Variants in PDE9A observed in about 807,000 individuals in gnomAD.
PDE9A encodes the protein high affinity cGMP-specific 3',5'-cyclic phosphodiesterase 9A.
Under a neutral mutation model 87.4 loss-of-function variants are expected in PDE9A, and 60 were observed. That is an observed-to-expected ratio of 0.69 (90% CI 0.56 to 0.85). PDE9A has a LOEUF of 0.85. Among genes scored for constraint, PDE9A ranks in the 40% least tolerant of loss-of-function variants. The pLI, the probability that PDE9A is intolerant of heterozygous loss-of-function variation, is 0.00. For missense variants in PDE9A, 665 were observed against 779.0 expected, an observed-to-expected ratio of 0.85 and a Z score of 1.74; for synonymous variants, 272 against 279.4, an observed-to-expected ratio of 0.97 and a Z score of 0.27.
At chr21:42,745,198 G>C (rs558820284) in intron 8 of PDE9A, among the ~76,000 whole-genome samples, 1 of 152,308 alleles carries the variant, frequency 6.6e-6, no homozygotes, top group East Asian at 1.9e-4. Context: ...GGCCTCATCT[G>C]GTCCCCTCAA....
In PDE9A at chr21:42,721,197, A is replaced by C. The variant is rs2050489718; in HGVS notation, c.263-10573A>C. 2.0e-5 allele frequency among the ~76,000 whole-genome samples: 3 copies of C among 152,270 alleles called. No individual in the cohort carries two copies. The South Asian group carries it at 6.2e-4, about 32-fold the overall frequency. ...CCTGCAAACTAATCCTAAGGAAGAG[A>C]GGAGGGCAGGGGGAGAAATTGCACC... On this transcript the variant is annotated intron_variant, in intron 4 of 19. Transcript: ENST00000291539.
At position 42,689,527 on chromosome 21, in the gene PDE9A, A is replaced by G; in HGVS notation, c.218+1533A>G. 4 of 985,244 alleles carry G rather than the reference A, an allele frequency of 4.1e-6. No homozygotes were observed. In the South Asian group the frequency reaches 1.4e-4, roughly 35 times the overall value. The allele number at this position is 985,244 out of a possible 1,614,324, so 61.0% of individuals were successfully genotyped here. A position where few individuals can be genotyped will look rare whatever the true frequency, so the allele number is the denominator to read the frequency against. On this transcript the variant is annotated intron_variant, in intron 3 of 19. Coordinates refer to ENST00000291539, the MANE Select transcript of PDE9A (RefSeq NM_002606.3). ...AGACTAAAATGATCTCTCAGAGGGG[A>G]CCTCACAGAAACCAGCACCTTGTCC...
At chr21:42,753,147 C>T (rs1382002499) in intron 9 of PDE9A, among the ~76,000 whole-genome samples, 5 of 152,178 alleles carry the variant, frequency 3.3e-5, no homozygotes, top group Admixed American at 3.3e-4. Context: ...GCTGGGATTA[C>T]AGGCACCTGC....
intron 13 of PDE9A, among the ~76,000 whole-genome samples, chr21:42,761,562 A>T (rs1044072381): frequency 6.6e-5 from 10 of 152,222 alleles, no homozygotes; most frequent in African/African-American, 2.2e-4. Flanking sequence ...GTGTGATGTC[A>T]TCACATGCCT....
chr21:42,744,307 C>G (rs7277073), intron 8 of PDE9A, among the ~76,000 whole-genome samples: 1 of 151,814 alleles, frequency 6.6e-6, no homozygotes, highest in Admixed American at 6.6e-5. Context: ...GAGCCGAGAT[C>G]GCGCCACTGC....
At chr21:42,669,235 C>T (rs1440096860) in intron 1 of PDE9A, among the ~76,000 whole-genome samples, 1 of 152,114 alleles carries the variant, frequency 6.6e-6, no homozygotes, top group African/African-American at 2.4e-5. Flanking sequence ...CAGGGCCGCG[C>T]TCCCTCTAGA....
chr21:42,667,016 C>T (rs1433812453), intron 1 of PDE9A, among the ~76,000 whole-genome samples: 2 of 152,236 alleles, frequency 1.3e-5, no homozygotes, highest in Admixed American at 1.3e-4. Flanking sequence ...CCCCACTCCC[C>T]CCCGCCCCAA....
At chr21:42,731,206 C>T (rs2051698531) in intron 4 of PDE9A, among the ~76,000 whole-genome samples, 1 of 152,222 alleles carries the variant, frequency 6.6e-6, no homozygotes. Context: ...GATCTGCCTG[C>T]CTCGGCCTCC....
chr21:42,734,480 T>A (rs537817290), intron 7 of PDE9A: 9 of 152,380 alleles, frequency 5.9e-5, no homozygotes, highest in African/African-American at 2.2e-4. Flanking sequence ...ATTTACCAAC[T>A]TAGGAACTAA....
intron 1 of PDE9A, among the ~76,000 whole-genome samples, chr21:42,674,039 T>C (rs1442672090): frequency 2.0e-5 from 3 of 152,238 alleles, no homozygotes; most frequent in African/African-American, 4.8e-5. Flanking sequence ...GATGTACATA[T>C]AGAAACGAAG....
chr21:42,680,130 C>G (rs907312030), intron 1 of PDE9A, among the ~76,000 whole-genome samples: 1 of 152,222 alleles, frequency 6.6e-6, no homozygotes, highest in African/African-American at 2.4e-5. Flanking sequence ...GCTCAGGGCC[C>G]CTGCCTGTGC....
chr21:42,690,572 A>G (rs529424602), intron 3 of PDE9A, among the ~76,000 whole-genome samples: 7 of 151,954 alleles, frequency 4.6e-5, no homozygotes, highest in Admixed American at 2.6e-4. Flanking sequence ...ATGTGGCTGT[A>G]TTTGTCCCCC....
intron 4 of PDE9A, among the ~76,000 whole-genome samples, chr21:42,699,326 G>A (rs2060313229): frequency 6.6e-6 from 1 of 152,140 alleles, no homozygotes; most frequent in Non-Finnish European, 1.5e-5. Context: ...GCCTGTTCCT[G>A]GTCTATGGCC....
At position 42,760,453 on chromosome 21, in the gene PDE9A, AC is replaced by A; in HGVS notation, c.1002+24del. The A allele has an allele frequency of 7.2e-7, 1 of 1,397,234 alleles. No individual in the cohort carries two copies. The highest frequency in any genetic ancestry group is 1.0e-6 in the Non-Finnish European group (1 of 994,560). 86.6% of individuals were successfully genotyped at this position (1,397,234 alleles called of 1,614,324 possible). ...TCCAGGTGGGTCCTGCCCGCTGCAC[AC>A]CCAGACCTCTACTCTCGGGGGTCAG... On this transcript the variant is annotated intron_variant, in intron 12 of 19. Transcript: ENST00000291539. This position sits in a 1 kb window ranked among gnomAD's most constrained non-coding sequence, Gnocchi z 5.2.
intron 14 of PDE9A, among the ~76,000 whole-genome samples, chr21:42,764,554 G>T (rs1054493254): frequency 6.6e-6 from 1 of 152,220 alleles, no homozygotes; most frequent in East Asian, 1.9e-4. Flanking sequence ...AGAGCATCCC[G>T]CAAGAGAAGG....
In PDE9A at chr21:42,674,073, A is replaced by G. The variant is rs146779132; in HGVS notation, c.70-12119A>G. Among the ~76,000 whole-genome samples the G allele has an allele frequency of 4.1e-3, 624 of 152,326 alleles. 4 individuals carry two copies. Among genetic ancestry groups the G allele is most frequent in the African/African-American group, 0.014 (599 of 41,572 alleles). ...AGAAACGAAATCTGAATCCATGCTGACAGATTCCCCCTCCCCAAACCTTGC... is the reference window on the plus strand; with the variant it reads ...AGAAACGAAATCTGAATCCATGCTGGCAGATTCCCCCTCCCCAAACCTTGC... On this transcript the variant is annotated intron_variant, in intron 1 of 19. Transcript: ENST00000291539.
chr21:42,728,749 C>T (rs2051401745), intron 4 of PDE9A, among the ~76,000 whole-genome samples: 1 of 152,110 alleles, frequency 6.6e-6, no homozygotes, highest in African/African-American at 2.4e-5. Context: ...CCTGTAATCC[C>T]AGCACTTTGG....
chr21:42,725,584 A>C (rs1240886202), intron 4 of PDE9A, among the ~76,000 whole-genome samples: 2 of 152,152 alleles, frequency 1.3e-5, no homozygotes, highest in African/African-American at 4.8e-5. Context: ...AACGTTCTAC[A>C]CATGTAATCA....
At position 42,773,726 on chromosome 21, in the gene PDE9A, A is replaced by G. The variant is rs545046249; in HGVS notation, c.1768+1206A>G. Among the ~76,000 whole-genome samples, 15 of 150,862 alleles carry G rather than the reference A, an allele frequency of 9.9e-5. No homozygotes were observed. The East Asian group carries it at 1.0e-3, about 10-fold the overall frequency. On this transcript the variant is annotated intron_variant, in intron 19 of 19. Coordinates refer to ENST00000291539, the MANE Select transcript of PDE9A (RefSeq NM_002606.3). Reference sequence around the variant, plus strand: ...TGAGGCAGGAGAATGGAGTGAACCCAGGAGGCGGAGATTGCCGTGAGCCAA... The same window carrying G: ...TGAGGCAGGAGAATGGAGTGAACCCGGGAGGCGGAGATTGCCGTGAGCCAA...
Sources: allele counts gnomAD v4.1 joint callset (sites outside exome capture counted in the v4.1 genomes callset), GRCh38; gene constraint gnomAD v4.1.1; non-coding constraint Gnocchi (gnomAD v3.1); transcripts MANE v1.5; gene names NCBI Gene and HGNC (gene_info 2026-07-23, HGNC 2026-07-21).